FAM76A: variants seen among roughly 807,000 people sequenced by gnomAD.
FAM76A encodes protein FAM76A.
Under a neutral mutation model 46.2 loss-of-function variants are expected in FAM76A, and 32 were observed. The ratio of observed to expected loss-of-function variants is 0.69; its 90% CI spans 0.52 to 0.93. The LOEUF is 0.93. FAM76A is among the 40% of genes least tolerant of loss of function. FAM76A has a pLI of 0.00. For synonymous variants in FAM76A, 137 were observed against 127.0 expected, an observed-to-expected ratio of 1.08 and a Z score of -0.53; for missense variants, 274 against 361.5, an observed-to-expected ratio of 0.76 and a Z score of 1.96.
At chr1:27,751,567 C>T (rs559892691) in intron 6 of FAM76A, among the ~76,000 whole-genome samples, 69 of 151,084 alleles carry the variant, frequency 4.6e-4, no homozygotes, top group African/African-American at 1.5e-3. Context: ...TGCAGTGTCA[C>T]GATCTTGGCT....
Position 27,747,789 on chromosome 1 carries a change from G to A in FAM76A, c.513-1279G>A, listed in dbSNP as rs1306174952. ...AAATTAACTGGGTGTGGTGGCTGGC[G>A]CGCACCTGTAGTCCCAGCTATTCGG... On this transcript the variant is annotated intron_variant, in intron 5 of 8. Coordinates refer to ENST00000373954, the MANE Select transcript of FAM76A (RefSeq NM_152660.3). Among the ~76,000 whole-genome samples, 6 of 151,952 alleles carry A rather than the reference G, an allele frequency of 3.9e-5. No individual in the cohort carries two copies. In the South Asian group the frequency reaches 6.2e-4, roughly 16 times the overall value.
chr1:27,743,767 GA>G (rs76187664), intron 4 of FAM76A, among the ~76,000 whole-genome samples: 5,724 of 140,040 alleles, frequency 0.041, 358 homozygotes, highest in African/African-American at 0.14. Flanking sequence ...CCTGTTTGGG[GA>G]AAAAAAAAAA....
chr1:27,746,896 A>G (rs926653798), intron 5 of FAM76A, among the ~76,000 whole-genome samples: 1 of 152,064 alleles, frequency 6.6e-6, no homozygotes, highest in African/African-American at 2.4e-5. Context: ...GAACAACATA[A>G]TGAGACCCCA....
intron 8 of FAM76A, 130 bp downstream of exon 8, chr1:27,759,757 C>A: frequency 1.5e-6 from 1 of 657,462 alleles, no homozygotes. Flanking sequence ...ATGTTAATCC[C>A]CCTTTTAGGT....
intron 4 of FAM76A, among the ~76,000 whole-genome samples, chr1:27,736,544 T>C (rs938458736): frequency 6.6e-6 from 1 of 152,156 alleles, no homozygotes; most frequent in African/African-American, 2.4e-5. Context: ...CTCAGTGTTA[T>C]CTATGATGAT....
At chr1:27,758,679 G>GTTTTTT (rs35065746) in intron 7 of FAM76A, among the ~76,000 whole-genome samples, 3 of 111,304 alleles carry the variant, frequency 2.7e-5, no homozygotes, top group Non-Finnish European at 6.0e-5. Context: ...TTTAATTTTC[G>GTTTTTT]TTTTTTTTTT....
chr1:27,729,455 CT>C (rs1367174714), intron 2 of FAM76A, among the ~76,000 whole-genome samples: 1 of 151,966 alleles, frequency 6.6e-6, no homozygotes, highest in Non-Finnish European at 1.5e-5. Flanking sequence ...ACCAGTCTGC[CT>C]GCCTCGGCCT....
At chr1:27,742,098 C>G (rs370315494) in intron 4 of FAM76A, among the ~76,000 whole-genome samples, 15 of 152,008 alleles carry the variant, frequency 9.9e-5, no homozygotes, top group African/African-American at 3.4e-4. Context: ...GGATGGGGAG[C>G]AAAGAGGCTT....
intron 1 of FAM76A, 25 bp from the exon 2 acceptor site, chr1:27,727,447 A>T: frequency 6.2e-7 from 1 of 1,609,580 alleles, no homozygotes; most frequent in Non-Finnish European, 8.5e-7. Flanking sequence ...CTGCCTTTTA[A>T]AATTATATCC....
chr1:27,759,222 T>C (rs1031860369), intron 7 of FAM76A, among the ~76,000 whole-genome samples: 1 of 152,198 alleles, frequency 6.6e-6, no homozygotes, highest in African/African-American at 2.4e-5. Flanking sequence ...CTCACAATGT[T>C]ATCATAAAGA....
chr1:27,735,598 C>T (rs1443191256), intron 4 of FAM76A, among the ~76,000 whole-genome samples: 3 of 152,200 alleles, frequency 2.0e-5, no homozygotes, highest in Non-Finnish European at 1.5e-5. Context: ...CCAACCAGGA[C>T]ATCTCTTCCC....
chr1:27,734,174 T>C lies in FAM76A; in HGVS notation c.345T>C (p.Asp115=), dbSNP rs148630292. The change falls in exon 4 of 9, where the codon GAT becomes GAC. Residue 115 remains aspartate, a synonymous_variant. Coordinates refer to ENST00000373954, the MANE Select transcript of FAM76A (RefSeq NM_152660.3). ...KQQCAFDRKD[D]RKKVDGKLLC... ...AGTGTGCATTTGACAGGAAAGATGA[T>C]AGAAAGAAGGTAAATCTCTGTTTTT... 1,012 of 1,574,686 alleles carry C rather than the reference T, an allele frequency of 6.4e-4. 5 individuals carry two copies. In the African/African-American group the frequency reaches 0.013, roughly 20 times the overall value.
chr1:27,734,616 T>C (rs1302859087), intron 4 of FAM76A, among the ~76,000 whole-genome samples: 2 of 152,240 alleles, frequency 1.3e-5, no homozygotes, highest in African/African-American at 4.8e-5. Flanking sequence ...GGTTCTATTA[T>C]TGACCTTAAA....
At chr1:27,756,708 T>C (rs940801029) in intron 7 of FAM76A, among the ~76,000 whole-genome samples, 1 of 152,122 alleles carries the variant, frequency 6.6e-6, no homozygotes, top group Non-Finnish European at 1.5e-5. Context: ...TGTCTTCCAT[T>C]TTTACATTCT....
chr1:27,732,088 C>G (rs1249020450), intron 2 of FAM76A, among the ~76,000 whole-genome samples: 1 of 152,168 alleles, frequency 6.6e-6, no homozygotes, highest in African/African-American at 2.4e-5. Flanking sequence ...TCCCAAAGTG[C>G]TGGGATTATA....
In FAM76A at chr1:27,761,193, A is replaced by G. The variant is rs1013960372; in HGVS notation, c.*612A>G. ...AGCCAGAGTTTTATTTATTTTTTAA[A>G]AAAGAAACTTTTTCTTGATAAAGGA... On this transcript the variant is annotated 3_prime_UTR_variant, in exon 9 of 9. Transcript: ENST00000373954. 1.3e-5 allele frequency: 2 copies of G among 152,366 alleles called. No individual in the cohort carries two copies. The highest frequency in any genetic ancestry group is 2.9e-5 in the Non-Finnish European group (2 of 67,998). 9.4% of individuals were successfully genotyped at this position (152,366 alleles called of 1,614,324 possible).
intron 4 of FAM76A, among the ~76,000 whole-genome samples, chr1:27,739,661 G>A (rs917727172): frequency 5.9e-5 from 9 of 152,036 alleles, no homozygotes; most frequent in African/African-American, 1.4e-4. Context: ...GGTGGTGCAC[G>A]CCTGTAGTCT....
chr1:27,758,093 T>G (rs1185588241), intron 7 of FAM76A, among the ~76,000 whole-genome samples: 3 of 152,208 alleles, frequency 2.0e-5, no homozygotes, highest in Non-Finnish European at 2.9e-5. Flanking sequence ...TTATGTTGTT[T>G]TCTGCCAAGT....
At chr1:27,737,800 T>C in intron 4 of FAM76A, among the ~76,000 whole-genome samples, 1 of 139,506 alleles carries the variant, frequency 7.2e-6, no homozygotes, top group East Asian at 2.1e-4. Context: ...TGCAGTGAGC[T>C]GAGATCGTGC....
Sources: allele counts gnomAD v4.1 joint callset (sites outside exome capture counted in the v4.1 genomes callset), GRCh38; gene constraint gnomAD v4.1.1; transcripts MANE v1.5; gene names NCBI Gene and HGNC (gene_info 2026-07-23, HGNC 2026-07-21).